The following PALM2AKAP2 variants were observed in gnomAD, a reference collection of about 807,000 sequenced individuals.
PALM2AKAP2 encodes PALM2-AKAP2 fusion protein.
In PALM2AKAP2, 37 loss-of-function variants were observed where a neutral mutation model predicts 71.5. The observed-to-expected ratio is 0.52, with a 90% CI of 0.40 to 0.68. PALM2AKAP2 has a LOEUF of 0.68. PALM2AKAP2 is among the 30% of genes least tolerant of loss of function. The probability of loss-of-function intolerance (pLI) is 0.00; values close to 1 mark genes in which losing one functional copy is unlikely to be tolerated. For synonymous variants in PALM2AKAP2, 468 were observed against 478.8 expected, an observed-to-expected ratio of 0.98 and a Z score of 0.29; for missense variants, 1,224 against 1,191.8, an observed-to-expected ratio of 1.03 and a Z score of -0.40.
At chr9:110,090,520 G>C in intron 1 of PALM2AKAP2, 1 of 438,016 alleles carries the variant, frequency 2.3e-6, no homozygotes, top group Non-Finnish European at 4.6e-6. Context: ...TTATTCTTCA[G>C]GGACATTGCA....
chr9:109,834,673 T>A (rs1416730506), intron 1 of PALM2AKAP2, among the ~76,000 whole-genome samples: 3 of 152,184 alleles, frequency 2.0e-5, no homozygotes, highest in East Asian at 1.9e-4. Flanking sequence ...AGGCAACAGC[T>A]TCTGTTTGCT....
chr9:109,764,101 T>C (rs747879271), intron 1 of PALM2AKAP2, among the ~76,000 whole-genome samples: 1 of 152,118 alleles, frequency 6.6e-6, no homozygotes, highest in Non-Finnish European at 1.5e-5. Flanking sequence ...GCTCCTATTG[T>C]CTCTTGACTA....
At chr9:110,158,571 CA>C (rs1316580018) in intron 3 of PALM2AKAP2, among the ~76,000 whole-genome samples, 2 of 152,216 alleles carry the variant, frequency 1.3e-5, no homozygotes, top group Non-Finnish European at 2.9e-5. Context: ...AGCCACCTAA[CA>C]AATGCCAACC....
chr9:110,016,463 C>T (rs565167539), intron 7 of PALM2AKAP2, among the ~76,000 whole-genome samples: 112 of 152,274 alleles, frequency 7.4e-4, no homozygotes, highest in Admixed American at 3.3e-3. Flanking sequence ...GTCAGAGAGG[C>T]ATAAAGTAGC....
intron 1 of PALM2AKAP2, among the ~76,000 whole-genome samples, chr9:109,731,331 CA>C (rs1442813108): frequency 1.3e-5 from 2 of 152,150 alleles, no homozygotes; most frequent in Non-Finnish European, 2.9e-5. Flanking sequence ...ATGCAGTTGT[CA>C]AACTTCTTAT....
chr9:109,759,493 GAAA>G (rs1246644883), intron 1 of PALM2AKAP2, among the ~76,000 whole-genome samples: 2 of 152,076 alleles, frequency 1.3e-5, no homozygotes, highest in South Asian at 2.1e-4. Flanking sequence ...TTTAGAATTA[GAAA>G]AATAATCAAA....
chr9:109,829,286 A>G (rs1828235833), intron 1 of PALM2AKAP2, among the ~76,000 whole-genome samples: 1 of 152,134 alleles, frequency 6.6e-6, no homozygotes, highest in African/African-American at 2.4e-5. Flanking sequence ...ACCTCTTCCA[A>G]CAATTCATCC....
chr9:109,786,784 A>G (rs1826979938), intron 1 of PALM2AKAP2, among the ~76,000 whole-genome samples: 1 of 150,662 alleles, frequency 6.6e-6, no homozygotes, highest in African/African-American at 2.4e-5. Flanking sequence ...TCTGAGAAAT[A>G]GAGCAGTTAT....
chr9:110,144,361 A>G (rs894372680), intron 2 of PALM2AKAP2, among the ~76,000 whole-genome samples: 2 of 152,248 alleles, frequency 1.3e-5, no homozygotes, highest in Admixed American at 6.5e-5. Context: ...GTCCACCACC[A>G]TATTTCTAGA....
At chr9:109,983,493 G>A (rs1421090952) in intron 6 of PALM2AKAP2, among the ~76,000 whole-genome samples, 3 of 149,124 alleles carry the variant, frequency 2.0e-5, no homozygotes, top group African/African-American at 5.0e-5. Flanking sequence ...ATCTGTTCTT[G>A]TTTTCTTAAC....
intron 6 of PALM2AKAP2, among the ~76,000 whole-genome samples, chr9:109,952,836 A>C (rs1024934824): frequency 1.3e-5 from 2 of 152,242 alleles, no homozygotes; most frequent in Admixed American, 6.5e-5. Flanking sequence ...CAAATGTAGG[A>C]GCATATGGAA....
intron 5 of PALM2AKAP2, among the ~76,000 whole-genome samples, chr9:109,926,370 T>C (rs763491088): frequency 1.2e-3 from 180 of 152,286 alleles, no homozygotes; most frequent in Middle Eastern, 3.4e-3. Context: ...TCTGAGTACA[T>C]GTAGGCAGGG....
intron 1 of PALM2AKAP2, among the ~76,000 whole-genome samples, chr9:109,661,567 C>G (rs1211689598): frequency 6.6e-6 from 1 of 152,240 alleles, no homozygotes; most frequent in East Asian, 1.9e-4. Context: ...GTTACTGCAG[C>G]CTTGTAGTAT....
chr9:110,155,777 C>T (rs1172262204), intron 2 of PALM2AKAP2, among the ~76,000 whole-genome samples: 1 of 152,346 alleles, frequency 6.6e-6, no homozygotes, highest in Middle Eastern at 3.4e-3. Context: ...TTTTATAACA[C>T]TGGGCTGTCT....
chr9:109,854,763 C>CT (rs34401582), intron 1 of PALM2AKAP2, among the ~76,000 whole-genome samples: 8,840 of 66,050 alleles, frequency 0.13, 2,588 homozygotes, highest in East Asian at 0.2. Context: ...AAGAATGTAT[C>CT]TTTTTTTTTT....
intron 6 of PALM2AKAP2, chr9:109,942,539 C>A (rs2132042885): frequency 1.3e-6 from 1 of 779,268 alleles, no homozygotes; most frequent in Non-Finnish European, 2.0e-6. Context: ...TCTTTATTCA[C>A]AGTGCGCACC....
intron 1 of PALM2AKAP2, among the ~76,000 whole-genome samples, chr9:109,824,754 A>G (rs929762250): frequency 6.6e-6 from 1 of 152,216 alleles, no homozygotes; most frequent in African/African-American, 2.4e-5. Flanking sequence ...ATCCAGAAAT[A>G]TTTACATAAT....
chr9:110,083,334 A>G (rs1752333), intron 1 of PALM2AKAP2, among the ~76,000 whole-genome samples: 62,262 of 151,730 alleles, frequency 0.41, 13,171 homozygotes, highest in East Asian at 0.53. Flanking sequence ...TTAAAAAGGC[A>G]TAAGTCTATA....
chr9:109,801,708 ATGTGTGTG>A (rs142422555), intron 1 of PALM2AKAP2, among the ~76,000 whole-genome samples: 2 of 149,206 alleles, frequency 1.3e-5, no homozygotes, highest in Non-Finnish European at 3.0e-5. Context: ...AGGTGTTGAT[ATGTGTGTG>A]TGTGTGTGTG....
Sources: allele counts gnomAD v4.1 joint callset (sites outside exome capture counted in the v4.1 genomes callset), GRCh38; gene constraint gnomAD v4.1.1; transcripts MANE v1.5; gene names NCBI Gene and HGNC (gene_info 2026-07-23, HGNC 2026-07-21).